RB1CC1: variants seen among roughly 807,000 people sequenced by gnomAD.
RB1CC1 encodes RB1-inducible coiled-coil protein 1.
A neutral mutation model predicts 177.5 loss-of-function variants in RB1CC1; 46 were observed. That is an observed-to-expected ratio of 0.26 (90% confidence interval 0.20 to 0.33). The LOEUF (loss-of-function observed/expected upper bound fraction) is 0.33. Ranked by LOEUF, RB1CC1 falls within the 10% of genes least tolerant of loss-of-function variation. The pLI, the probability that RB1CC1 is intolerant of heterozygous loss-of-function variation, is 1.00. For synonymous variants in RB1CC1, 666 were observed against 613.6 expected, an observed-to-expected ratio of 1.09 and a Z score of -1.26; for missense variants, 1,703 against 1,816.3, an observed-to-expected ratio of 0.94 and a Z score of 1.13.
intron 1 of RB1CC1, among the ~76,000 whole-genome samples, chr8:52,698,888 G>A (rs1053434693): frequency 1.0e-4 from 15 of 150,092 alleles, no homozygotes; most frequent in East Asian, 4.0e-4. Flanking sequence ...GCAGGGTTTC[G>A]CCATGTTGGC....
At chr8:52,626,480 T>C (rs919624640) in intron 22 of RB1CC1, among the ~76,000 whole-genome samples, 1 of 152,220 alleles carries the variant, frequency 6.6e-6, no homozygotes, top group African/African-American at 2.4e-5. Context: ...TGTATATTTA[T>C]ATCTTAGATA....
intron 1 of RB1CC1, among the ~76,000 whole-genome samples, chr8:52,708,255 G>A (rs538242519): frequency 2.0e-5 from 3 of 152,170 alleles, no homozygotes; most frequent in African/African-American, 4.8e-5. Context: ...ACTGGCTCAC[G>A]CCTGTAATCC....
rs531258197 is a variant in RB1CC1, at chr8:52,684,375, T to C, written c.72-362A>G. ...AAAAATCATTCATGTAAGTGTAAAA[T>C]CAAGTTTAATGAAAACTAATTCTGG... On this transcript the variant is annotated intron_variant, in intron 3 of 23. Transcript: ENST00000025008. Among the ~76,000 whole-genome samples the C allele has an allele frequency of 5.6e-4, 85 of 152,272 alleles. 1 individual carries two copies. Among genetic ancestry groups the C allele is most frequent in the African/African-American group, 1.9e-3 (79 of 41,558 alleles).
At chr8:52,643,423 G>A (rs545768537) in intron 16 of RB1CC1, among the ~76,000 whole-genome samples, 34 of 152,128 alleles carry the variant, frequency 2.2e-4, no homozygotes, top group African/African-American at 7.7e-4. Flanking sequence ...TGCTTAGGCC[G>A]GACTTGGTGG....
At chr8:52,639,369 G>A (rs369286994) in intron 18 of RB1CC1, among the ~76,000 whole-genome samples, 9 of 151,078 alleles carry the variant, frequency 6.0e-5, no homozygotes, top group African/African-American at 1.9e-4. Context: ...ACTCCTCTTT[G>A]GATATATCTA....
At chr8:52,693,178 A>C (rs1365918839) in intron 1 of RB1CC1, among the ~76,000 whole-genome samples, 1 of 152,230 alleles carries the variant, frequency 6.6e-6, no homozygotes, top group Non-Finnish European at 1.5e-5. Flanking sequence ...CCCTAGAAGA[A>C]TACCTAGGCA....
chr8:52,636,521 C>G (rs1019114578), intron 18 of RB1CC1, among the ~76,000 whole-genome samples: 1 of 152,078 alleles, frequency 6.6e-6, no homozygotes, highest in Non-Finnish European at 1.5e-5. Flanking sequence ...TTAAAAAATG[C>G]TATAAAATTA....
chr8:52,703,821 A>G (rs1856313717), intron 1 of RB1CC1, among the ~76,000 whole-genome samples: 1 of 152,234 alleles, frequency 6.6e-6, no homozygotes, highest in Non-Finnish European at 1.5e-5. Flanking sequence ...CATACTACCT[A>G]GAGACAGTAA....
At chr8:52,625,300 T>C (rs187039926) in intron 22 of RB1CC1, among the ~76,000 whole-genome samples, 3 of 152,030 alleles carry the variant, frequency 2.0e-5, no homozygotes, top group Non-Finnish European at 2.9e-5. Context: ...GTGTATACAG[T>C]TGGTACTCAA....
At chr8:52,695,395 A>T (rs1332685821) in intron 1 of RB1CC1, among the ~76,000 whole-genome samples, 1 of 152,208 alleles carries the variant, frequency 6.6e-6, no homozygotes, top group African/African-American at 2.4e-5. Context: ...GCCCTTCGCT[A>T]CTGGGAGGTG....
intron 15 of RB1CC1, among the ~76,000 whole-genome samples, chr8:52,652,900 ATACAAAATTAGCCAGGCGTGG>A (rs1425084266): frequency 6.6e-6 from 1 of 151,520 alleles, no homozygotes; most frequent in Non-Finnish European, 1.5e-5. Flanking sequence ...TCTACTAAAA[ATACAAAATTAGCCAGGCGTGG>A]TGGTACATGC....
In RB1CC1 at chr8:52,685,500, C is replaced by T; in HGVS notation, c.-31G>A. 1.5e-6 allele frequency: 2 copies of T among 1,361,678 alleles called. No homozygotes were observed. Among genetic ancestry groups the T allele is most frequent in the South Asian group, 1.2e-5 (1 of 82,650 alleles). 84.3% of individuals were successfully genotyped at this position (1,361,678 alleles called of 1,614,324 possible). On this transcript the variant is annotated 5_prime_UTR_variant, in exon 3 of 24. Transcript: ENST00000025008. The stretch of plus-strand genomic sequence containing the variant: ...TTTATCTGAATTCTGTGAGCTTATA[C>T]CTCACCCTCTGATACAGTTACTAGA...
At chr8:52,674,521 C>T (rs1435690821) in intron 6 of RB1CC1, among the ~76,000 whole-genome samples, 1 of 152,162 alleles carries the variant, frequency 6.6e-6, no homozygotes, top group African/African-American at 2.4e-5. Flanking sequence ...GTAATGCCAG[C>T]ACTTTGGGAG....
At chr8:52,695,332 C>A (rs1375238597) in intron 1 of RB1CC1, among the ~76,000 whole-genome samples, 1 of 152,242 alleles carries the variant, frequency 6.6e-6, no homozygotes, top group Non-Finnish European at 1.5e-5. Flanking sequence ...GAAGTACCCA[C>A]AGCACAACAG....
chr8:52,647,119 A>G (rs917795778), intron 15 of RB1CC1, among the ~76,000 whole-genome samples: 2 of 152,226 alleles, frequency 1.3e-5, no homozygotes, highest in African/African-American at 4.8e-5. Context: ...AGAATACACT[A>G]TATCAATAAT....
chr8:52,687,100 C>G (rs1854337882), intron 1 of RB1CC1, 133 bp from the exon 2 acceptor site: 24 of 360,202 alleles, frequency 6.7e-5, no homozygotes, highest in South Asian at 4.5e-4. Flanking sequence ...CTTGCACATT[C>G]ACTATAATAA....
chr8:52,671,434 T>C (rs891958271), intron 7 of RB1CC1, among the ~76,000 whole-genome samples: 2 of 152,228 alleles, frequency 1.3e-5, no homozygotes, highest in Non-Finnish European at 2.9e-5. Flanking sequence ...TTAGTTGTTT[T>C]GGACAACCGT....
At chr8:52,678,905 T>G (rs532884426) in intron 5 of RB1CC1, among the ~76,000 whole-genome samples, 2 of 152,220 alleles carry the variant, frequency 1.3e-5, no homozygotes, top group Non-Finnish European at 2.9e-5. Context: ...GCTAATAGTT[T>G]CAGTTGTAAG....
At chr8:52,681,497 G>A (rs1032870473) in intron 5 of RB1CC1, among the ~76,000 whole-genome samples, 5 of 152,186 alleles carry the variant, frequency 3.3e-5, no homozygotes, top group Admixed American at 2.6e-4. Flanking sequence ...ACCACATCCC[G>A]GACCATGAAG....
Sources: allele counts gnomAD v4.1 joint callset (sites outside exome capture counted in the v4.1 genomes callset), GRCh38; gene constraint gnomAD v4.1.1; transcripts MANE v1.5; gene names NCBI Gene and HGNC (gene_info 2026-07-23, HGNC 2026-07-21).